ESRRG: variants seen among roughly 807,000 people sequenced by gnomAD.
The protein encoded by ESRRG is estrogen related receptor gamma.
In ESRRG, 13 loss-of-function variants were observed where a neutral mutation model predicts 44.0. That is an observed-to-expected ratio of 0.30 (90% CI 0.19 to 0.47). The LOEUF is 0.47. Ranked by LOEUF, ESRRG falls within the 20% of genes least tolerant of loss-of-function variation. The pLI is 1.00. For synonymous variants in ESRRG, 215 were observed against 214.6 expected (o/e 1.00, Z -0.02); for missense variants, 395 against 580.6 (o/e 0.68, Z 3.29).
intron 1 of ESRRG, among the ~76,000 whole-genome samples, chr1:216,692,877 A>G (rs1341118626): frequency 6.6e-6 from 1 of 152,248 alleles, no homozygotes; most frequent in Non-Finnish European, 1.5e-5. Flanking sequence ...GTTATATGAC[A>G]TAGCCTAGGT....
chr1:216,561,704 A>ATT (rs11338029), intron 5 of ESRRG, among the ~76,000 whole-genome samples: 3 of 151,364 alleles, frequency 2.0e-5, no homozygotes, highest in Admixed American at 6.6e-5. Context: ...GTATTATTAA[A>ATT]TTTTTTTTTT....
intron 1 of ESRRG, among the ~76,000 whole-genome samples, chr1:216,694,922 T>G (rs978387257): frequency 6.6e-6 from 1 of 152,194 alleles, no homozygotes; most frequent in African/African-American, 2.4e-5. Context: ...ACTCATTCAT[T>G]CCTATCATGT....
rs116542388 is a variant in ESRRG, at chr1:217,029,527, A to G, written c.-106+59980T>C. 5.7e-3 allele frequency among the ~76,000 whole-genome samples: 861 copies of G among 152,336 alleles called. 6 individuals carry two copies. Among genetic ancestry groups the G allele is most frequent in the African/African-American group, 0.019 (806 of 41,572 alleles). The stretch of plus-strand genomic sequence containing the variant: ...CCAGTTGTCATAAAGTTAATTTTCT[A>G]ATATGTTGCGAAACGCATTATATAA... On this transcript the variant is annotated intron_variant, in intron 1 of 7. Coordinates refer to the ESRRG transcript ENST00000359162.
At chr1:216,620,250 G>T (rs181348699) in intron 3 of ESRRG, among the ~76,000 whole-genome samples, 4 of 152,016 alleles carry the variant, frequency 2.6e-5, no homozygotes, top group Admixed American at 2.6e-4. Context: ...GTTAAAAATC[G>T]TATCTAATTC....
chr1:216,783,071 G>C (rs1438256520), intron 2 of ESRRG, among the ~76,000 whole-genome samples: 2 of 151,950 alleles, frequency 1.3e-5, no homozygotes, highest in Admixed American at 1.3e-4. Context: ...CCACTCAGAA[G>C]AGTTAGGGGG....
At chr1:216,808,882 T>C (rs1455406664) in intron 2 of ESRRG, among the ~76,000 whole-genome samples, 1 of 152,196 alleles carries the variant, frequency 6.6e-6, no homozygotes, top group Non-Finnish European at 1.5e-5. Flanking sequence ...TTTCATATGA[T>C]ATAATTCTGT....
upstream of ESRRG, among the ~76,000 whole-genome samples, chr1:216,726,922 C>A (rs1359797542): frequency 3.3e-5 from 5 of 152,242 alleles, no homozygotes; most frequent in South Asian, 6.2e-4. Flanking sequence ...TCATATACAC[C>A]AGACATTTTA....
intron 1 of ESRRG, among the ~76,000 whole-genome samples, chr1:217,033,382 T>G (rs984865484): frequency 6.6e-6 from 1 of 152,192 alleles, no homozygotes; most frequent in African/African-American, 2.4e-5. Flanking sequence ...CCTCTGAATA[T>G]TGAAGATATT....
At chr1:216,507,970 C>T (rs1019418520) in intron 6 of ESRRG, among the ~76,000 whole-genome samples, 2 of 152,224 alleles carry the variant, frequency 1.3e-5, no homozygotes, top group African/African-American at 4.8e-5. Flanking sequence ...ATAAAAGTTA[C>T]AGCTCCAGCT....
intron 1 of ESRRG, among the ~76,000 whole-genome samples, chr1:217,126,750 C>T (rs777693635): frequency 6.6e-6 from 1 of 152,104 alleles, no homozygotes; most frequent in Non-Finnish European, 1.5e-5. Flanking sequence ...AATTAGAGTG[C>T]ATTGGAATAC....
At chr1:217,108,382 G>T (rs1310552475) in intron 1 of ESRRG, among the ~76,000 whole-genome samples, 1 of 152,052 alleles carries the variant, frequency 6.6e-6, no homozygotes, top group African/African-American at 2.4e-5. Context: ...GCATACTTGT[G>T]GGTATCATTT....
upstream of ESRRG, among the ~76,000 whole-genome samples, chr1:217,091,524 G>C (rs1163330306): frequency 6.6e-6 from 1 of 152,178 alleles, no homozygotes; most frequent in African/African-American, 2.4e-5. Flanking sequence ...TTGTAATTAT[G>C]CAGAGACCAG....
chr1:216,727,232 A>G (rs749734541), upstream of ESRRG, among the ~76,000 whole-genome samples: 1 of 152,192 alleles, frequency 6.6e-6, no homozygotes, highest in Non-Finnish European at 1.5e-5. Flanking sequence ...TTTCCTCAGG[A>G]TTATAAAATC....
intron 2 of ESRRG, among the ~76,000 whole-genome samples, chr1:216,784,033 G>A (rs1438008589): frequency 6.6e-6 from 1 of 151,982 alleles, no homozygotes; most frequent in Non-Finnish European, 1.5e-5. Flanking sequence ...TGATCTCTTA[G>A]TTAAGGCAGT....
rs1491573707 is a variant in ESRRG, at chr1:216,912,170, GAAA to G, written c.-14+27409_-14+27411del. Among the ~76,000 whole-genome samples the G allele has an allele frequency of 1.4e-3, 39 of 28,198 alleles. 5 individuals are homozygous for G. Among genetic ancestry groups the G allele is most frequent in the East Asian group, 1.6e-3 (1 of 634 alleles). 18.5% of individuals were successfully genotyped at this position (28,198 alleles called of 152,430 possible). ...GAAAAGAAAAGAAAAGAAAAGAAAAGAAAAGAAAAGAAAAGGAGAGGAGAGGAG... is the reference window on the plus strand; with the variant it reads ...GAAAAGAAAAGAAAAGAAAAGAAAAGAGAAAAGAAAAGGAGAGGAGAGGAG... On this transcript the variant is annotated intron_variant, in intron 2 of 7. Transcript: ENST00000359162.
intron 3 of ESRRG, among the ~76,000 whole-genome samples, chr1:216,650,433 TAGCACAGAACAC>T (rs1237828537): frequency 3.9e-5 from 6 of 152,306 alleles, no homozygotes; most frequent in Non-Finnish European, 8.8e-5. Flanking sequence ...GCAATTTGTT[TAGCACAGAACAC>T]ATGTCACTGT....
chr1:217,070,447 T>C (rs2090407699), intron 1 of ESRRG, among the ~76,000 whole-genome samples: 1 of 152,026 alleles, frequency 6.6e-6, no homozygotes, highest in Non-Finnish European at 1.5e-5. Flanking sequence ...AGTGGTGTGA[T>C]CTTGGCTCAC....
intron 1 of ESRRG, among the ~76,000 whole-genome samples, chr1:217,037,664 C>T (rs2083145921): frequency 6.6e-6 from 1 of 152,068 alleles, no homozygotes; most frequent in African/African-American, 2.4e-5. Flanking sequence ...CACGCCATCC[C>T]AATGGTCCCC....
chr1:217,100,702 G>A (rs1261467202), intron 1 of ESRRG, among the ~76,000 whole-genome samples: 5 of 152,198 alleles, frequency 3.3e-5, no homozygotes, highest in East Asian at 1.9e-4. Context: ...TGAAGGGTGA[G>A]CCAGCACATC....
Sources: gnomAD v4.1 joint callset for allele counts (sites outside exome capture counted in the v4.1 genomes callset) on GRCh38, gnomAD v4.1.1 for gene constraint, MANE v1.5 for transcripts, NCBI Gene and HGNC (gene_info 2026-07-23, HGNC 2026-07-21) for gene names.